EDDM13: variants seen among roughly 807,000 people sequenced by gnomAD.
EDDM13 encodes epididymal protein 13.
In EDDM13, 24 loss-of-function variants were observed where a neutral mutation model predicts 17.8. That is an observed-to-expected ratio of 1.35 (90% CI 0.98 to 1.90). The LOEUF is 1.90. Among genes scored for constraint, EDDM13 ranks in the 40% most tolerant of loss-of-function variants. The pLI is 0.00. For synonymous variants in EDDM13, 31 were observed against 37.5 expected, an observed-to-expected ratio of 0.83 and a Z score of 0.63; for missense variants, 97 against 100.8, an observed-to-expected ratio of 0.96 and a Z score of 0.16.
chr19:56,308,300 G>C (rs1287159909), intron 14 of EDDM13, among the ~76,000 whole-genome samples: 1 of 151,824 alleles, frequency 6.6e-6, no homozygotes, highest in African/African-American at 2.4e-5. Context: ...CCAAAGTGCT[G>C]GGATTACAGG....
At chr19:56,293,453 T>C (rs1285572467) in intron 9 of EDDM13, among the ~76,000 whole-genome samples, 2 of 152,306 alleles carry the variant, frequency 1.3e-5, no homozygotes, top group Non-Finnish European at 2.9e-5. Context: ...ATCATTATAA[T>C]TGTATGTTGT....
intron 9 of EDDM13, among the ~76,000 whole-genome samples, chr19:56,292,140 C>T (rs1009207360): frequency 2.0e-5 from 3 of 152,170 alleles, no homozygotes; most frequent in Non-Finnish European, 2.9e-5. Context: ...GTGGCTCAGA[C>T]TTATTTTCCC....
chr19:56,291,494 A>C (rs1159961768), intron 9 of EDDM13, among the ~76,000 whole-genome samples: 1 of 152,168 alleles, frequency 6.6e-6, no homozygotes, highest in East Asian at 1.9e-4. Flanking sequence ...TTTGAGAACC[A>C]CAGGGTGGGA....
intron 13 of EDDM13, among the ~76,000 whole-genome samples, chr19:56,303,253 C>T (rs183972509): frequency 6.6e-6 from 1 of 151,842 alleles, no homozygotes; most frequent in Admixed American, 6.6e-5. Context: ...GCTGAGGCGG[C>T]TGGATCACGA....
intron 13 of EDDM13, among the ~76,000 whole-genome samples, 183 bp downstream of exon 13, chr19:56,302,278 T>C (rs1182290484): frequency 6.6e-6 from 1 of 151,044 alleles, no homozygotes; most frequent in Non-Finnish European, 1.5e-5. Flanking sequence ...TCTCATTTCA[T>C]TCTTCCTTCC....
intron 11 of EDDM13, 60 bp downstream of exon 11, chr19:56,296,422 G>GT (rs35117455): frequency 0.25 from 38,670 of 151,964 alleles, 5,678 homozygotes; most frequent in East Asian, 0.74. Context: ...ACAGGTACTG[G>GT]TTTTTTCTAT....
intron 1 of EDDM13, among the ~76,000 whole-genome samples, chr19:56,273,238 G>A (rs1600148678): frequency 6.6e-6 from 1 of 152,198 alleles, no homozygotes. Context: ...TCATGGGACT[G>A]TTGCATGTCA....
intron 11 of EDDM13, among the ~76,000 whole-genome samples, chr19:56,296,821 G>A (rs1365376207): frequency 3.9e-5 from 6 of 152,104 alleles, no homozygotes; most frequent in African/African-American, 9.7e-5. Context: ...ATCACCTGAG[G>A]TCAGAAGTTC....
At chr19:56,298,533 G>A (rs1419297288) in intron 12 of EDDM13, among the ~76,000 whole-genome samples, 9 of 151,576 alleles carry the variant, frequency 5.9e-5, no homozygotes, top group African/African-American at 1.2e-4. Flanking sequence ...GGTGCCTGTA[G>A]TCCCAGCTAC....
At chr19:56,301,922 G>T in intron 12 of EDDM13, 46 bp from the exon 13 acceptor site, 1 of 1,231,934 alleles carries the variant, frequency 8.1e-7, no homozygotes, top group Non-Finnish European at 1.0e-6. Context: ...CTCTAAGGCA[G>T]GAAGGGAAGG....
chr19:56,277,187 G>C (rs1275451700), intron 2 of EDDM13, among the ~76,000 whole-genome samples: 2 of 152,294 alleles, frequency 1.3e-5, no homozygotes, highest in African/African-American at 4.8e-5. Context: ...CTCTAGGTAT[G>C]TGCCCAAGAT....
At chr19:56,289,089 C>G (rs373725192) in intron 8 of EDDM13, among the ~76,000 whole-genome samples, 198 bp downstream of exon 8, 2 of 152,152 alleles carry the variant, frequency 1.3e-5, no homozygotes, top group East Asian at 3.9e-4. Flanking sequence ...TGTCTAACAA[C>G]CACCTCTGCA....
rs542414255 is a variant in EDDM13 at position 56,288,370 on chromosome 19, C to T, written c.155-15C>T. ...CCAAATTTCTTCACCCAGCTAACCC[C>T]TGCTCATCTTCCAGGTCTCAGACAC... On this transcript the variant is annotated splice_polypyrimidine_tract_variant and intron_variant, in intron 6 of 14. Coordinates refer to ENST00000649256, the MANE Select transcript of EDDM13 (RefSeq NM_001354658.2). 6.6e-6 allele frequency among the ~76,000 whole-genome samples: 1 copy of T among 152,330 alleles called. No individual in the cohort carries two copies. Among genetic ancestry groups the T allele is most frequent in the Admixed American group, 6.5e-5 (1 of 15,300 alleles).
chr19:56,302,582 C>CT (rs2040382735), intron 13 of EDDM13, among the ~76,000 whole-genome samples: 1 of 34,384 alleles, frequency 2.9e-5, no homozygotes. Flanking sequence ...TCTTCCTCCC[C>CT]CTTTTCTTCC....
At chr19:56,309,359 T>C (rs146073012) in intron 14 of EDDM13, among the ~76,000 whole-genome samples, 8 of 152,312 alleles carry the variant, frequency 5.3e-5, no homozygotes, top group African/African-American at 1.9e-4. Context: ...GATGAAAATG[T>C]TCCACTCTTA....
At chr19:56,300,974 T>G (rs1301409737) in intron 12 of EDDM13, among the ~76,000 whole-genome samples, 1 of 151,860 alleles carries the variant, frequency 6.6e-6, no homozygotes, top group Non-Finnish European at 1.5e-5. Flanking sequence ...GGGAGATGGA[T>G]GAGAAAGAGA....
rs901135705 is a variant in EDDM13, at chr19:56,299,013, G to A, written c.295+1482G>A. On this transcript the variant is annotated intron_variant, in intron 12 of 14. Transcript: ENST00000649256. ...TAAATTCACTTTATTCCAGCAATGC[G>A]ACAATGGTTTAATAGGTAAAAACAA... Among the ~76,000 whole-genome samples the A allele has an allele frequency of 2.0e-5, 3 of 152,096 alleles. No individual in the cohort carries two copies. The East Asian group carries it at 5.8e-4, about 29-fold the overall frequency.
At chr19:56,286,119 T>A (rs2039100864) in intron 6 of EDDM13, among the ~76,000 whole-genome samples, 2 of 152,074 alleles carry the variant, frequency 1.3e-5, no homozygotes, top group Non-Finnish European at 2.9e-5. Flanking sequence ...CCTCCCGGGT[T>A]CAAGCGATTC....
intron 8 of EDDM13, among the ~76,000 whole-genome samples, chr19:56,290,299 A>G (rs2039426934): frequency 1.3e-5 from 2 of 152,156 alleles, no homozygotes; most frequent in African/African-American, 4.8e-5. Flanking sequence ...CTGACACACA[A>G]TCACACCCAT....
Sources: allele counts gnomAD v4.1 joint callset (sites outside exome capture counted in the v4.1 genomes callset), GRCh38; gene constraint gnomAD v4.1.1; transcripts MANE v1.5; gene names NCBI Gene and HGNC (gene_info 2026-07-23, HGNC 2026-07-21).